SNTG2: variants seen among roughly 807,000 people sequenced by gnomAD.
The protein encoded by SNTG2 is gamma-2-syntrophin.
Under a neutral mutation model 70.9 loss-of-function variants are expected in SNTG2, and 74 were observed. The ratio of observed to expected loss-of-function variants is 1.04; its 90% confidence interval spans 0.86 to 1.27. The LOEUF (loss-of-function observed/expected upper bound fraction) is 1.27. SNTG2 is among the 50% of genes most tolerant of loss of function. SNTG2 has a pLI of 0.00. For synonymous variants in SNTG2, 278 were observed against 273.8 expected (o/e 1.02, Z -0.15); for missense variants, 717 against 690.7 (o/e 1.04, Z -0.43).
At chr2:1,034,033 A>G (rs573765492) in intron 1 of SNTG2, among the ~76,000 whole-genome samples, 87 of 104,860 alleles carry the variant, frequency 8.3e-4, no homozygotes, top group African/African-American at 3.7e-3. Flanking sequence ...GCAGGTTTGT[A>G]TATGGGTAAA....
At chr2:1,100,425 G>A (rs545577966) in intron 4 of SNTG2, among the ~76,000 whole-genome samples, 174 of 152,200 alleles carry the variant, frequency 1.1e-3, no homozygotes, top group Non-Finnish European at 2.0e-3. Context: ...GATTACAGGC[G>A]TGAGCCACCG....
At chr2:1,169,702 C>A (rs892863447) in intron 7 of SNTG2, among the ~76,000 whole-genome samples, 1 of 152,136 alleles carries the variant, frequency 6.6e-6, no homozygotes, top group Admixed American at 6.5e-5. Flanking sequence ...CTTCAATGAG[C>A]GTTGCTGCCG....
chr2:1,020,926 C>A (rs976236987), intron 1 of SNTG2, among the ~76,000 whole-genome samples: 1 of 152,192 alleles, frequency 6.6e-6, no homozygotes, highest in Non-Finnish European at 1.5e-5. Flanking sequence ...GATGATCCTT[C>A]TGAGTCAATT....
At chr2:1,269,098 G>A (rs1174559769) in intron 14 of SNTG2, among the ~76,000 whole-genome samples, 1 of 152,182 alleles carries the variant, frequency 6.6e-6, no homozygotes, top group African/African-American at 2.4e-5. Flanking sequence ...CAGATGTAGT[G>A]AAATGAATGT....
At chr2:1,116,741 TATGG>T in intron 4 of SNTG2, among the ~76,000 whole-genome samples, 1 of 146,932 alleles carries the variant, frequency 6.8e-6, no homozygotes, top group Admixed American at 6.7e-5. Context: ...TGCCCTGGTG[TATGG>T]GTGCCGTGGT....
At chr2:1,193,073 T>C (rs928910803) in intron 8 of SNTG2, among the ~76,000 whole-genome samples, 1 of 152,182 alleles carries the variant, frequency 6.6e-6, no homozygotes, top group African/African-American at 2.4e-5. Context: ...GCCCGCGGCA[T>C]GGCAGAGAGG....
chr2:1,119,915 AAAT>A (rs1441904785), intron 4 of SNTG2, among the ~76,000 whole-genome samples: 1 of 152,134 alleles, frequency 6.6e-6, no homozygotes, highest in African/African-American at 2.4e-5. Context: ...ACAAATAAGA[AAAT>A]AAGAAAATGT....
Position 1,097,094 on chromosome 2 carries a change from T to C in SNTG2, c.211-1102T>C, listed in dbSNP as rs1223078996. Among the ~76,000 whole-genome samples the C allele has an allele frequency of 6.6e-6, 1 of 152,254 alleles. No homozygotes were observed. The highest frequency in any genetic ancestry group is 6.5e-5 in the Admixed American group (1 of 15,286). On this transcript the variant is annotated intron_variant, in intron 2 of 16. Transcript: ENST00000308624. The surrounding 1 kb of genome is among the most constrained non-coding windows in gnomAD (Gnocchi z 4.1). ...AATTTCCAATTAAAGTATTATTTGC[T>C]GTGTCCCCATATACACACTTTAACA...
intron 14 of SNTG2, among the ~76,000 whole-genome samples, chr2:1,283,532 G>A (rs1679643497): frequency 6.6e-6 from 1 of 152,132 alleles, no homozygotes; most frequent in African/African-American, 2.4e-5. Context: ...CTCCTTCCCA[G>A]ACCTGCCAGG....
chr2:1,336,879 T>C (rs1427455215), intron 16 of SNTG2, among the ~76,000 whole-genome samples: 4 of 152,154 alleles, frequency 2.6e-5, no homozygotes, highest in African/African-American at 7.2e-5. Flanking sequence ...TATTTTGAAG[T>C]TGGGTAGTGC....
At chr2:1,326,842 CTCTT>C (rs1171326195) in intron 16 of SNTG2, among the ~76,000 whole-genome samples, 3 of 151,968 alleles carry the variant, frequency 2.0e-5, no homozygotes, top group African/African-American at 2.4e-5. Context: ...TTTTTCCATT[CTCTT>C]TCTTTTCTCA....
In SNTG2 at chr2:1,363,646, A is replaced by G. The variant is rs145645415; in HGVS notation, c.1489-3697A>G. On this transcript the variant is annotated intron_variant, in intron 16 of 16. Coordinates refer to ENST00000308624, the MANE Select transcript of SNTG2 (RefSeq NM_018968.4). The stretch of plus-strand genomic sequence containing the variant: ...GGGTGTCCCCAGCTTAGAACTCAAC[A>G]CAAGTATTTTGTTCAAACAAAATGT... Among the ~76,000 whole-genome samples, 59 of 152,358 alleles carry G rather than the reference A, an allele frequency of 3.9e-4. 2 individuals are homozygous for G. In the East Asian group the frequency reaches 0.011, roughly 29 times the overall value.
At chr2:1,292,321 C>T (rs1680027138) in intron 14 of SNTG2, among the ~76,000 whole-genome samples, 1 of 151,598 alleles carries the variant, frequency 6.6e-6, no homozygotes. Context: ...TTTTTTCTTT[C>T]CTATTTGGTT....
At chr2:973,821 G>T (rs1317030690) in intron 1 of SNTG2, among the ~76,000 whole-genome samples, 1 of 152,102 alleles carries the variant, frequency 6.6e-6, no homozygotes, top group African/African-American at 2.4e-5. Context: ...CCATGGAAGG[G>T]ATTCATGCTG....
At chr2:1,264,009 C>T (rs545675789) in intron 13 of SNTG2, among the ~76,000 whole-genome samples, 1 of 152,224 alleles carries the variant, frequency 6.6e-6, no homozygotes, top group South Asian at 2.1e-4. Flanking sequence ...ACTGCGTGGG[C>T]TCATTTGTAT....
intron 16 of SNTG2, among the ~76,000 whole-genome samples, chr2:1,329,093 T>G (rs190431688): frequency 1.3e-5 from 2 of 152,188 alleles, no homozygotes; most frequent in Non-Finnish European, 2.9e-5. Context: ...GGTTTTTTTT[T>G]CTTTTTTCTT....
intron 8 of SNTG2, among the ~76,000 whole-genome samples, chr2:1,178,355 G>A (rs1671623163): frequency 6.6e-6 from 1 of 152,168 alleles, no homozygotes; most frequent in African/African-American, 2.4e-5. Flanking sequence ...TAGGAGTGGT[G>A]AGAGAGGACA....
At chr2:1,221,478 T>TGC (rs1674839806) in intron 9 of SNTG2, among the ~76,000 whole-genome samples, 2 of 55,390 alleles carry the variant, frequency 3.6e-5, no homozygotes, top group South Asian at 1.2e-3. Flanking sequence ...TCTCTGTCTC[T>TGC]CTCTCTCTCT....
chr2:1,214,058 A>G (rs558297796), intron 9 of SNTG2, among the ~76,000 whole-genome samples: 11 of 152,276 alleles, frequency 7.2e-5, no homozygotes, highest in African/African-American at 2.6e-4. Context: ...TCAATTGACC[A>G]TAGATCTGTG....
Sources: gnomAD v4.1 joint callset for allele counts (sites outside exome capture counted in the v4.1 genomes callset) on GRCh38, gnomAD v4.1.1 for gene constraint, Gnocchi (gnomAD v3.1) non-coding constraint, MANE v1.5 for transcripts, NCBI Gene and HGNC (gene_info 2026-07-23, HGNC 2026-07-21) for gene names.